CCDC85A: variants seen among roughly 807,000 people sequenced by gnomAD.
CCDC85A encodes coiled-coil domain containing 85A, also known as coiled-coil domain-containing protein 85A.
In CCDC85A, 38 loss-of-function variants were observed where a neutral mutation model predicts 50.2. That is an observed-to-expected ratio of 0.76 (90% CI 0.58 to 0.99). The LOEUF is 0.99. CCDC85A is among the 50% of genes least tolerant of loss of function. The probability of loss-of-function intolerance (pLI) is 0.00; values close to 1 mark genes in which losing one functional copy is unlikely to be tolerated. For missense variants in CCDC85A, 820 were observed against 742.0 expected (o/e 1.11, Z -1.22); for synonymous variants, 366 against 301.4 (o/e 1.21, Z -2.22).
intron 2 of CCDC85A, among the ~76,000 whole-genome samples, chr2:56,313,341 A>T (rs1039345342): frequency 1.3e-5 from 2 of 152,166 alleles, no homozygotes; most frequent in African/African-American, 4.8e-5. Context: ...AGCAGTATTA[A>T]CTATTTTTTA....
intron 2 of CCDC85A, among the ~76,000 whole-genome samples, chr2:56,313,086 T>A (rs1672767920): frequency 6.6e-6 from 1 of 152,182 alleles, no homozygotes; most frequent in South Asian, 2.1e-4. Flanking sequence ...ATTTGCATCC[T>A]GAAAGTCTTT....
At chr2:56,209,148 T>G (rs1677082329) in intron 2 of CCDC85A, among the ~76,000 whole-genome samples, 1 of 152,088 alleles carries the variant, frequency 6.6e-6, no homozygotes, top group South Asian at 2.1e-4. Flanking sequence ...ATATTCAGTC[T>G]CGATATGATA....
intron 2 of CCDC85A, among the ~76,000 whole-genome samples, chr2:56,331,775 G>A (rs543818762): frequency 4.6e-5 from 7 of 152,288 alleles, no homozygotes; most frequent in Admixed American, 2.0e-4. Context: ...AACAGCACTC[G>A]TGATTTTTTC....
chr2:56,359,589 A>G (rs149535389), intron 3 of CCDC85A, among the ~76,000 whole-genome samples: 133 of 152,326 alleles, frequency 8.7e-4, no homozygotes, highest in African/African-American at 2.9e-3. Context: ...GAATTTCTGT[A>G]TACACCTTCA....
intron 3 of CCDC85A, among the ~76,000 whole-genome samples, chr2:56,370,306 A>C (rs1237139411): frequency 2.0e-5 from 3 of 152,258 alleles, no homozygotes; most frequent in African/African-American, 7.2e-5. Flanking sequence ...GCCCTGCGAA[A>C]CACTAAGCCT....
intron 5 of CCDC85A, among the ~76,000 whole-genome samples, 157 bp downstream of exon 5, chr2:56,376,092 A>G (rs1284801251): frequency 6.6e-6 from 1 of 152,092 alleles, no homozygotes; most frequent in East Asian, 1.9e-4. Context: ...TTGAAGTATG[A>G]TTTTTATTGT....
chr2:56,238,067 G>T (rs571086757), intron 2 of CCDC85A, among the ~76,000 whole-genome samples: 6 of 152,010 alleles, frequency 3.9e-5, no homozygotes, highest in Non-Finnish European at 8.8e-5. Flanking sequence ...TCCCTGGTCC[G>T]CCTGACTGTA....
At chr2:56,284,732 T>G (rs1162343712) in intron 2 of CCDC85A, among the ~76,000 whole-genome samples, 2 of 152,192 alleles carry the variant, frequency 1.3e-5, no homozygotes, top group Non-Finnish European at 2.9e-5. Flanking sequence ...CTCTCTGCCT[T>G]TAGTTCTATC....
chr2:56,297,156 G>C (rs1355210633), intron 2 of CCDC85A, among the ~76,000 whole-genome samples: 2 of 152,134 alleles, frequency 1.3e-5, no homozygotes, highest in Non-Finnish European at 2.9e-5. Context: ...GCATGTGTCT[G>C]TAAGTGCATT....
chr2:56,379,616 A>T (rs1388555032), intron 5 of CCDC85A: 1 of 154,386 alleles, frequency 6.5e-6, no homozygotes, highest in Non-Finnish European at 1.4e-5. Context: ...ATATGTTTCC[A>T]TATGCTAATC....
chr2:56,367,229 G>T lies in CCDC85A; in HGVS notation c.1318-5115G>T, dbSNP rs533774606. ...GACCACTGCCCTGTGCCTGCCCACA[G>T]CGTATTCTCTTTCTGCTAGTGTTGT... is the stretch of plus-strand genomic sequence containing the variant. On this transcript the variant is annotated intron_variant, in intron 3 of 5. Transcript: ENST00000407595. Among the ~76,000 whole-genome samples, 17 of 152,246 alleles carry T rather than the reference G, an allele frequency of 1.1e-4. No individual in the cohort carries two copies. In the South Asian group the frequency reaches 3.5e-3, roughly 32 times the overall value.
At chr2:56,211,559 T>G (rs890311438) in intron 2 of CCDC85A, among the ~76,000 whole-genome samples, 1 of 152,010 alleles carries the variant, frequency 6.6e-6, no homozygotes, top group Non-Finnish European at 1.5e-5. Flanking sequence ...TCAGAGTTTT[T>G]TTTTAATTAA....
intron 2 of CCDC85A, among the ~76,000 whole-genome samples, chr2:56,304,306 A>G (rs954171030): frequency 2.0e-5 from 3 of 152,208 alleles, no homozygotes; most frequent in Non-Finnish European, 4.4e-5. Context: ...CAAACAAATA[A>G]TGTTTCTGAA....
At chr2:56,199,297 T>C (rs1676642620) in intron 2 of CCDC85A, among the ~76,000 whole-genome samples, 1 of 152,226 alleles carries the variant, frequency 6.6e-6, no homozygotes, top group Admixed American at 6.5e-5. Context: ...TAAGTTGTAG[T>C]AATGATAGAT....
intron 2 of CCDC85A, among the ~76,000 whole-genome samples, chr2:56,298,186 G>T (rs1672041669): frequency 6.6e-6 from 1 of 152,148 alleles, no homozygotes; most frequent in African/African-American, 2.4e-5. Flanking sequence ...ATTTGAAGCT[G>T]ATAGAATAGC....
At chr2:56,377,893 A>G (rs1676412693) in intron 5 of CCDC85A, among the ~76,000 whole-genome samples, 1 of 152,058 alleles carries the variant, frequency 6.6e-6, no homozygotes, top group East Asian at 1.9e-4. Context: ...GTCTCAAAAA[A>G]AAAAAAAAAA....
chr2:56,203,818 T>C (rs938910249), intron 2 of CCDC85A, among the ~76,000 whole-genome samples: 1 of 152,136 alleles, frequency 6.6e-6, no homozygotes, highest in African/African-American at 2.4e-5. Flanking sequence ...TAATTATGAA[T>C]AAAAATGACA....
upstream of CCDC85A, chr2:56,183,980 C>T (rs993228104): frequency 4.8e-5 from 47 of 985,624 alleles, no homozygotes; most frequent in African/African-American, 7.9e-4. Flanking sequence ...CGGTCCCCCA[C>T]CCTCCACCCC....
At chr2:56,374,052 T>C (rs1201426384) in intron 4 of CCDC85A, among the ~76,000 whole-genome samples, 1 of 152,248 alleles carries the variant, frequency 6.6e-6, no homozygotes, top group Non-Finnish European at 1.5e-5. Context: ...TGATCTGGTT[T>C]ATAAATACAG....
Sources: gnomAD v4.1 joint callset for allele counts (sites outside exome capture counted in the v4.1 genomes callset) on GRCh38, gnomAD v4.1.1 for gene constraint, MANE v1.5 for transcripts, NCBI Gene and HGNC (gene_info 2026-07-23, HGNC 2026-07-21) for gene names.